The following SASH1 variants were observed in gnomAD, a reference collection of about 807,000 sequenced individuals.
SASH1 encodes the protein SAM and SH3 domain containing 1.
SASH1 carries 44 observed loss-of-function variants against 125.2 expected under a neutral mutation model. That is an observed-to-expected ratio of 0.35 (90% CI 0.28 to 0.45). The LOEUF is 0.45. Among genes scored for constraint, SASH1 ranks in the 20% least tolerant of loss-of-function variants. The pLI is 1.00. For missense variants in SASH1, 1,426 were observed against 1,614.5 expected (o/e 0.88, Z 2.00); for synonymous variants, 639 against 649.1 (o/e 0.98, Z 0.24).
At chr6:148,387,235 A>G (rs9498026) in intron 1 of SASH1, among the ~76,000 whole-genome samples, 34,644 of 149,696 alleles carry the variant, frequency 0.23, 4,005 homozygotes, top group Middle Eastern at 0.29. Flanking sequence ...CTCCTGCCTC[A>G]GGCTCCAAAG....
chr6:148,541,733 C>T (rs1396967240), intron 17 of SASH1, among the ~76,000 whole-genome samples: 8 of 152,190 alleles, frequency 5.3e-5, no homozygotes, highest in African/African-American at 1.9e-4. Flanking sequence ...GGGCATTCAC[C>T]TCCTTAGAGT....
chr6:148,328,055 G>A (rs1368771093), intron 1 of SASH1, among the ~76,000 whole-genome samples: 1 of 152,102 alleles, frequency 6.6e-6, no homozygotes, highest in Non-Finnish European at 1.5e-5. Flanking sequence ...TTAAGGGATG[G>A]GGTCTCACTT....
intron 1 of SASH1, among the ~76,000 whole-genome samples, chr6:148,292,936 C>T (rs376960653): frequency 6.6e-6 from 1 of 151,996 alleles, no homozygotes. Context: ...CCTGTAATCC[C>T]AGCTACTCAG....
chr6:148,482,688 A>ATTTT (rs200708826), intron 7 of SASH1, among the ~76,000 whole-genome samples: 16,322 of 99,648 alleles, frequency 0.16, 2,227 homozygotes, highest in African/African-American at 0.31. Context: ...CACCTGGCTA[A>ATTTT]TTTTTTTTTT....
At chr6:148,497,110 C>T (rs1779347071) in intron 8 of SASH1, among the ~76,000 whole-genome samples, 1 of 152,052 alleles carries the variant, frequency 6.6e-6, no homozygotes, top group Admixed American at 6.6e-5. Context: ...TATTAAAGTT[C>T]TTACTAAAAG....
intron 1 of SASH1, among the ~76,000 whole-genome samples, chr6:148,308,588 G>A (rs112006154): frequency 0.038 from 5,765 of 150,818 alleles, 222 homozygotes; most frequent in South Asian, 0.17. Context: ...TAGAGATAGG[G>A]TTTCACCACG....
intron 1 of SASH1, among the ~76,000 whole-genome samples, chr6:148,298,720 GGGA>G (rs1779842640): frequency 1.1e-5 from 1 of 93,614 alleles, no homozygotes; most frequent in South Asian, 4.7e-4. Flanking sequence ...GAAGAAGGAA[GGGA>G]AAGGAGGGAG....
At chr6:148,340,982 A>T (rs1340589919), upstream of SASH1, among the ~76,000 whole-genome samples, 2 of 152,096 alleles carry the variant, frequency 1.3e-5, no homozygotes, top group Non-Finnish European at 2.9e-5. Context: ...TAAAAAATTT[A>T]AAAAATTAGT....
chr6:148,229,133 C>CAAAAAAA, the SASH1 span, among the ~76,000 whole-genome samples: 21 of 60,936 alleles, frequency 3.4e-4, no homozygotes, highest in African/African-American at 5.3e-4. Flanking sequence ...GACTCCATCT[C>CAAAAAAA]AAAAAAAAAA....
At position 148,349,006 on chromosome 6, in the gene SASH1, G is replaced by T. The variant is rs775912905; in HGVS notation, c.156+5783G>T. Reference sequence around the variant, plus strand: ...ACATACCTTTGGATTTGGGCCCTGAGGGATAAGTAGGAGTTCCCAGAGAGG... The same window carrying T: ...ACATACCTTTGGATTTGGGCCCTGATGGATAAGTAGGAGTTCCCAGAGAGG... On this transcript the variant is annotated intron_variant, in intron 1 of 19. Coordinates refer to ENST00000367467, the MANE Select transcript of SASH1 (RefSeq NM_015278.5). Among the ~76,000 whole-genome samples, 27 of 152,112 alleles carry T rather than the reference G, an allele frequency of 1.8e-4. 1 individual carries two copies. Among genetic ancestry groups the T allele is most frequent in the Non-Finnish European group, 3.4e-4 (23 of 68,020 alleles).
chr6:148,548,700 T>C lies in SASH1; in HGVS notation c.*142T>C. On this transcript the variant is annotated 3_prime_UTR_variant, in exon 20 of 20. Coordinates refer to ENST00000367467, the MANE Select transcript of SASH1 (RefSeq NM_015278.5). ...CGTGTGGCCAAACAGCGTGAAACCTTGGCACAGGACTGAGGATCCTCTCCT... is the reference window on the plus strand; with the variant it reads ...CGTGTGGCCAAACAGCGTGAAACCTCGGCACAGGACTGAGGATCCTCTCCT... The C allele has an allele frequency of 1.0e-6, 1 of 979,512 alleles. No homozygotes were observed. Among genetic ancestry groups the C allele is most frequent in the Admixed American group, 2.8e-5 (1 of 35,586 alleles). 60.7% of individuals were successfully genotyped at this position (979,512 alleles called of 1,614,324 possible).
At chr6:148,298,308 C>T (rs986973057) in intron 1 of SASH1, among the ~76,000 whole-genome samples, 7 of 152,036 alleles carry the variant, frequency 4.6e-5, no homozygotes, top group African/African-American at 7.2e-5. Flanking sequence ...CCGCCGTGCC[C>T]GGCCTTATTA....
At chr6:148,213,505 G>GGTGTGTGTCTGT in the SASH1 span, among the ~76,000 whole-genome samples, 1 of 148,352 alleles carries the variant, frequency 6.7e-6, no homozygotes, top group African/African-American at 2.5e-5. Context: ...CTAGCCAAAG[G>GGTGTGTGTCTGT]GTGTGTGTGT....
chr6:148,221,957 C>T, the SASH1 span, among the ~76,000 whole-genome samples: 2 of 152,190 alleles, frequency 1.3e-5, no homozygotes, highest in Non-Finnish European at 2.9e-5. Flanking sequence ...CTTTCTTCAG[C>T]CTCTTCCTTT....
intron 8 of SASH1, chr6:148,513,309 C>A: frequency 1.0e-6 from 1 of 985,398 alleles, no homozygotes; most frequent in South Asian, 4.7e-5. Context: ...TCAGGGCGTG[C>A]GACGTGAGCT....
chr6:148,498,488 T>A (rs1262117469), intron 8 of SASH1, among the ~76,000 whole-genome samples: 1 of 152,048 alleles, frequency 6.6e-6, no homozygotes, highest in African/African-American at 2.4e-5. Flanking sequence ...TACTATATAA[T>A]CTGAGGATAC....
intron 1 of SASH1, among the ~76,000 whole-genome samples, chr6:148,336,079 T>C (rs949529004): frequency 3.3e-5 from 5 of 150,590 alleles, no homozygotes; most frequent in African/African-American, 1.2e-4. Context: ...ACAGATAAGA[T>C]AAACAACTGG....
the SASH1 span, among the ~76,000 whole-genome samples, chr6:148,212,243 A>C: frequency 1.3e-5 from 2 of 152,172 alleles, no homozygotes; most frequent in South Asian, 4.1e-4. Context: ...CCACCAGATT[A>C]AGCAGGACAC....
At chr6:148,348,143 A>G (rs1021273716) in intron 1 of SASH1, among the ~76,000 whole-genome samples, 2 of 152,062 alleles carry the variant, frequency 1.3e-5, no homozygotes, top group Non-Finnish European at 1.5e-5. Flanking sequence ...AGTAGCTGGG[A>G]TTACAGGCGT....
Sources: allele counts gnomAD v4.1 joint callset (sites outside exome capture counted in the v4.1 genomes callset), GRCh38; gene constraint gnomAD v4.1.1; transcripts MANE v1.5; gene names NCBI Gene and HGNC (gene_info 2026-07-23, HGNC 2026-07-21).